The following PARVB variants were observed in gnomAD, a reference collection of about 807,000 sequenced individuals.
The protein encoded by PARVB is parvin beta.
A neutral mutation model predicts 47.0 loss-of-function variants in PARVB; 46 were observed. The ratio of observed to expected loss-of-function variants is 0.98; its 90% CI spans 0.77 to 1.25. The LOEUF (loss-of-function observed/expected upper bound fraction) is 1.25, where lower values mean the gene tolerates loss of function less well. PARVB is among the 50% of genes most tolerant of loss of function. The probability of loss-of-function intolerance (pLI) is 0.00; values close to 1 mark genes in which losing one functional copy is unlikely to be tolerated. For synonymous variants in PARVB, 196 were observed against 196.3 expected, an observed-to-expected ratio of 1.00 and a Z score of 0.01; for missense variants, 473 against 471.6, an observed-to-expected ratio of 1.00 and a Z score of -0.03.
intron 1 of PARVB, among the ~76,000 whole-genome samples, chr22:44,057,877 C>T (rs1033619066): frequency 5.3e-5 from 8 of 151,980 alleles, no homozygotes; most frequent in Non-Finnish European, 1.0e-4. Context: ...GGACCAGGAG[C>T]CTCCCAGTGT....
At chr22:44,022,732 T>C (rs114303040), upstream of PARVB, among the ~76,000 whole-genome samples, 4,093 of 142,422 alleles carry the variant, frequency 0.029, 191 homozygotes, top group African/African-American at 0.11. Flanking sequence ...TCCTACTTCT[T>C]TTTTTTTATT....
intron 9 of PARVB, chr22:44,148,123 G>A: frequency 1.7e-6 from 1 of 597,406 alleles, no homozygotes; most frequent in South Asian, 1.9e-5. Context: ...GCTGCTCCCT[G>A]GGTGTCTTCC....
At chr22:44,110,618 A>T (rs1047592441) in intron 3 of PARVB, 1 of 152,020 alleles carries the variant, frequency 6.6e-6, no homozygotes, top group South Asian at 2.1e-4. Flanking sequence ...TATTATTATT[A>T]TTTTTTAGAT....
At chr22:44,082,121 G>A (rs1362578263) in intron 1 of PARVB, among the ~76,000 whole-genome samples, 1 of 152,168 alleles carries the variant, frequency 6.6e-6, no homozygotes. Flanking sequence ...TTTTTGGGGC[G>A]GGGGAGGCTG....
At position 44,160,846 on chromosome 22, in the gene PARVB, G is replaced by A. The variant is rs6006681; in HGVS notation, c.945+2763G>A. Among the ~76,000 whole-genome samples the A allele has an allele frequency of 4.0e-3, 616 of 152,208 alleles. 2 individuals are homozygous for A. The highest frequency in any genetic ancestry group is 0.014 in the African/African-American group (576 of 41,534). On this transcript the variant is annotated intron_variant, in intron 11 of 12. Transcript: ENST00000338758. ...CTCATGGTGTAGGGGTGACCACCTC[G>A]TCACCCGATCACACTCTCCAGCCGT...
At chr22:44,093,792 GCAACAGA>G in intron 1 of PARVB, 129 bp from the exon 2 acceptor site, 1 of 610,510 alleles carries the variant, frequency 1.6e-6, no homozygotes, top group Non-Finnish European at 2.9e-6. Context: ...CTCTTTCTGG[GCAACAGA>G]CCTTTTAGGA....
At position 44,068,326 on chromosome 22, in the gene PARVB, A is replaced by G. The variant is rs1462908455; in HGVS notation, c.113-25602A>G. Among the ~76,000 whole-genome samples the G allele has an allele frequency of 6.6e-6, 1 of 152,188 alleles. No individual in the cohort carries two copies. The highest frequency in any genetic ancestry group is 1.5e-5 in the Non-Finnish European group (1 of 68,024). ...CCGACGAGGAACCCAGACCAGACAG[A>G]GAGCCCGCCTGTGTCACCTGGTAGG... On this transcript the variant is annotated intron_variant, in intron 1 of 12. Transcript: ENST00000338758. This position sits in a 1 kb window ranked among gnomAD's most constrained non-coding sequence, Gnocchi z 4.1.
At chr22:44,041,027 A>C (rs1191101368) in intron 1 of PARVB, among the ~76,000 whole-genome samples, 1 of 151,878 alleles carries the variant, frequency 6.6e-6, no homozygotes, top group Non-Finnish European at 1.5e-5. Flanking sequence ...AAAAGAAAGA[A>C]ATTTGTGTCG....
At chr22:44,098,390 G>A (rs889194463) in intron 2 of PARVB, among the ~76,000 whole-genome samples, 4 of 152,178 alleles carry the variant, frequency 2.6e-5, no homozygotes, top group Non-Finnish European at 5.9e-5. Context: ...CAGCTGGGGA[G>A]CTGAGGTCTG....
chr22:44,048,421 G>A (rs912071706), intron 1 of PARVB, among the ~76,000 whole-genome samples: 1 of 152,050 alleles, frequency 6.6e-6, no homozygotes, highest in Non-Finnish European at 1.5e-5. Flanking sequence ...GCCCAGGCTG[G>A]AGTGCAGTGG....
intron 12 of PARVB, among the ~76,000 whole-genome samples, chr22:44,167,351 T>C (rs1244202567): frequency 6.6e-6 from 1 of 152,094 alleles, no homozygotes; most frequent in African/African-American, 2.4e-5. Flanking sequence ...AAGGGGTGGC[T>C]GTGGTTAGCA....
intron 1 of PARVB, among the ~76,000 whole-genome samples, chr22:44,035,797 CT>C (rs879538236): frequency 0.012 from 1,740 of 142,464 alleles, 16 homozygotes; most frequent in African/African-American, 0.033. Flanking sequence ...AAACAGATCA[CT>C]TTTTTTTTTT....
At chr22:44,132,760 T>A in intron 5 of PARVB, 134 bp from the exon 6 acceptor site, 1 of 593,934 alleles carries the variant, frequency 1.7e-6, no homozygotes, top group Non-Finnish European at 3.0e-6. Flanking sequence ...CTCTCTTGAT[T>A]TGTCCACACT....
At chr22:44,008,011 C>A (rs922673125) in intron 2 of PARVB, among the ~76,000 whole-genome samples, 3 of 152,180 alleles carry the variant, frequency 2.0e-5, no homozygotes, top group Non-Finnish European at 4.4e-5. Flanking sequence ...CATGTATATA[C>A]GCATGCATAC....
upstream of PARVB, among the ~76,000 whole-genome samples, chr22:44,021,429 C>G (rs1223622643): frequency 6.6e-6 from 1 of 152,100 alleles, no homozygotes. Context: ...GAAAGAAGGT[C>G]AGAAAGAGAG....
intron 1 of PARVB, among the ~76,000 whole-genome samples, chr22:44,032,634 A>C (rs538188724): frequency 6.6e-6 from 1 of 152,230 alleles, no homozygotes; most frequent in African/African-American, 2.4e-5. Flanking sequence ...GGAAAGCCTC[A>C]TCAGCAATTG....
intron 11 of PARVB, 84 bp downstream of exon 11, chr22:44,158,167 C>A: frequency 1.1e-6 from 1 of 895,820 alleles, no homozygotes; most frequent in Admixed American, 2.1e-5. Flanking sequence ...GCAGCTCTTC[C>A]TGCAGCCTGG....
chr22:44,001,643 C>A (rs1361262067), intron 2 of PARVB, among the ~76,000 whole-genome samples: 3 of 152,184 alleles, frequency 2.0e-5, no homozygotes, highest in African/African-American at 7.2e-5. Context: ...TGGGAAGCTG[C>A]CAAGCTCATG....
chr22:44,155,072 G>T lies in PARVB; in HGVS notation c.844-2910G>T, dbSNP rs1025584599. ...TGTGTGTGTGTGGTTTTTGTAGTCT[G>T]TGTGGTGTGTGTGTGGTGTAGGTGT... On this transcript the variant is annotated intron_variant, in intron 10 of 12. Coordinates refer to ENST00000338758, the MANE Select transcript of PARVB (RefSeq NM_013327.5). This position sits in a 1 kb window ranked among gnomAD's most constrained non-coding sequence, Gnocchi z 4.8. Among the ~76,000 whole-genome samples, 1 of 148,396 alleles carries T rather than the reference G, an allele frequency of 6.7e-6. No homozygotes were observed. Among genetic ancestry groups the T allele is most frequent in the African/African-American group, 2.6e-5 (1 of 38,538 alleles).
Sources: allele counts gnomAD v4.1 joint callset (sites outside exome capture counted in the v4.1 genomes callset), GRCh38; gene constraint gnomAD v4.1.1; non-coding constraint Gnocchi (gnomAD v3.1); transcripts MANE v1.5; gene names NCBI Gene and HGNC (gene_info 2026-07-23, HGNC 2026-07-21).